CADM2: variants seen among roughly 807,000 people sequenced by gnomAD.
CADM2 encodes the protein immunoglobulin superfamily member 4D.
CADM2 carries 12 observed loss-of-function variants against 49.8 expected under a neutral mutation model. That is an observed-to-expected ratio of 0.24 (90% CI 0.15 to 0.39). The LOEUF (loss-of-function observed/expected upper bound fraction) is 0.39, where lower values mean the gene tolerates loss of function less well. Ranked by LOEUF, CADM2 falls within the 10% of genes least tolerant of loss-of-function variation. CADM2 has a pLI of 1.00. For synonymous variants in CADM2, 214 were observed against 175.4 expected, an observed-to-expected ratio of 1.22 and a Z score of -1.74; for missense variants, 378 against 492.3, an observed-to-expected ratio of 0.77 and a Z score of 2.20.
chr3:85,007,406 G>C (rs1377922087), intron 1 of CADM2, among the ~76,000 whole-genome samples: 1 of 152,136 alleles, frequency 6.6e-6, no homozygotes, highest in Non-Finnish European at 1.5e-5. Context: ...GTGTGTCTGT[G>C]TTCCAATAAA....
intron 1 of CADM2, among the ~76,000 whole-genome samples, chr3:85,578,421 G>A (rs1457015979): frequency 6.6e-6 from 1 of 152,226 alleles, no homozygotes; most frequent in Non-Finnish European, 1.5e-5. Flanking sequence ...ACTGATATGA[G>A]AGAGATGTTT....
chr3:85,040,144 T>G (rs1325192429), intron 1 of CADM2, among the ~76,000 whole-genome samples: 1 of 152,188 alleles, frequency 6.6e-6, no homozygotes, highest in Admixed American at 6.5e-5. Context: ...TTGAAAAATA[T>G]GAAGGATAGA....
chr3:85,322,003 A>G (rs1458883545), intron 1 of CADM2, among the ~76,000 whole-genome samples: 2 of 152,238 alleles, frequency 1.3e-5, no homozygotes, highest in Non-Finnish European at 1.5e-5. Context: ...TGTTGCTCAC[A>G]TAGTATGTCC....
At chr3:85,196,838 C>G (rs534846303) in intron 1 of CADM2, among the ~76,000 whole-genome samples, 3 of 152,078 alleles carry the variant, frequency 2.0e-5, no homozygotes, top group African/African-American at 4.8e-5. Flanking sequence ...CCATTTCCTG[C>G]TAAGTGGTGA....
intron 1 of CADM2, among the ~76,000 whole-genome samples, chr3:85,601,633 T>A (rs944951210): frequency 2.0e-5 from 3 of 151,538 alleles, no homozygotes; most frequent in Admixed American, 6.6e-5. Context: ...ACACTATTTT[T>A]AAAAAAACGT....
chr3:85,724,972 A>C (rs2067638196), intron 1 of CADM2, among the ~76,000 whole-genome samples: 1 of 151,924 alleles, frequency 6.6e-6, no homozygotes, highest in Non-Finnish European at 1.5e-5. Context: ...AGTAGTAAAT[A>C]TATCAAAGAA....
intron 7 of CADM2, among the ~76,000 whole-genome samples, chr3:85,954,802 G>C (rs1723846783): frequency 6.6e-6 from 1 of 150,962 alleles, no homozygotes; most frequent in African/African-American, 2.4e-5. Context: ...ATAAATATTG[G>C]GTGTATTATG....
At chr3:84,985,272 T>G (rs936872278) in intron 1 of CADM2, among the ~76,000 whole-genome samples, 22 of 152,138 alleles carry the variant, frequency 1.4e-4, no homozygotes, top group Non-Finnish European at 2.9e-4. Context: ...CATTTGAAGT[T>G]AGTATTCAAA....
At chr3:85,970,921 T>G (rs928339991) in intron 8 of CADM2, among the ~76,000 whole-genome samples, 1 of 150,498 alleles carries the variant, frequency 6.6e-6, no homozygotes, top group African/African-American at 2.5e-5. Flanking sequence ...TAACCTAGTA[T>G]GGGTTAAGCA....
At chr3:85,496,065 C>T (rs568045482) in intron 1 of CADM2, among the ~76,000 whole-genome samples, 12 of 152,152 alleles carry the variant, frequency 7.9e-5, no homozygotes, top group African/African-American at 2.9e-4. Flanking sequence ...CCATTTTATA[C>T]TGGGTTCAGG....
rs376867975 is a variant in CADM2 at position 86,005,277 on chromosome 3, C to T, written c.970+43630C>T. Reference sequence around the variant, plus strand: ...TTTTTTAAATAATTTTGTGGCCGGGCGTGGTGGCTCATGCCTGTAATCCCA... The same window carrying T: ...TTTTTTAAATAATTTTGTGGCCGGGTGTGGTGGCTCATGCCTGTAATCCCA... On this transcript the variant is annotated intron_variant, in intron 8 of 9. Coordinates refer to ENST00000383699, the MANE Select transcript of CADM2 (RefSeq NM_001167675.2). Among the ~76,000 whole-genome samples the T allele has an allele frequency of 2.0e-3, 306 of 152,142 alleles. 1 individual carries two copies. The highest frequency in any genetic ancestry group is 6.5e-3 in the African/African-American group (270 of 41,510).
intron 5 of CADM2, among the ~76,000 whole-genome samples, chr3:85,907,232 A>T (rs1716923111): frequency 6.6e-6 from 1 of 152,192 alleles, no homozygotes; most frequent in African/African-American, 2.4e-5. Flanking sequence ...AATTATGTGG[A>T]TTCAGACTAA....
At chr3:85,317,000 A>G (rs2044480954) in intron 1 of CADM2, among the ~76,000 whole-genome samples, 1 of 152,074 alleles carries the variant, frequency 6.6e-6, no homozygotes, top group Admixed American at 6.6e-5. Flanking sequence ...GCTTTGAGCC[A>G]GTGTAAAATG....
chr3:85,082,836 G>T (rs997372339), intron 1 of CADM2, among the ~76,000 whole-genome samples: 3 of 152,054 alleles, frequency 2.0e-5, no homozygotes, highest in African/African-American at 7.2e-5. Context: ...TAGCAATGTT[G>T]GCAGCAAACA....
At chr3:86,035,619 C>T (rs1390031615) in intron 8 of CADM2, among the ~76,000 whole-genome samples, 1 of 152,086 alleles carries the variant, frequency 6.6e-6, no homozygotes, top group African/African-American at 2.4e-5. Flanking sequence ...ATTAAGGTTT[C>T]TCTCAAATTC....
At chr3:85,517,948 A>C (rs543418924) in intron 1 of CADM2, among the ~76,000 whole-genome samples, 3 of 152,224 alleles carry the variant, frequency 2.0e-5, no homozygotes, top group African/African-American at 4.8e-5. Context: ...GGCCTCTTTC[A>C]ATACTTTCTT....
At chr3:85,807,646 T>G (rs2072534979) in intron 3 of CADM2, among the ~76,000 whole-genome samples, 1 of 152,046 alleles carries the variant, frequency 6.6e-6, no homozygotes, top group Non-Finnish European at 1.5e-5. Context: ...TAAATTTAAA[T>G]TAATAAAAAT....
At chr3:86,030,633 C>T (rs1425546755) in intron 8 of CADM2, among the ~76,000 whole-genome samples, 1 of 151,838 alleles carries the variant, frequency 6.6e-6, no homozygotes, top group Non-Finnish European at 1.5e-5. Context: ...GCTTTGTAAG[C>T]TCAGAAACTC....
chr3:85,161,597 G>A (rs1299995186), intron 1 of CADM2, among the ~76,000 whole-genome samples: 1 of 152,140 alleles, frequency 6.6e-6, no homozygotes, highest in Non-Finnish European at 1.5e-5. Flanking sequence ...ATGAATGAGT[G>A]CAGGAACCTG....
Sources: gnomAD v4.1 joint callset for allele counts (sites outside exome capture counted in the v4.1 genomes callset) on GRCh38, gnomAD v4.1.1 for gene constraint, MANE v1.5 for transcripts, NCBI Gene and HGNC (gene_info 2026-07-23, HGNC 2026-07-21) for gene names.